ZFHX3: variants seen among roughly 807,000 people sequenced by gnomAD.
ZFHX3 encodes zinc finger homeobox protein 3.
Under a neutral mutation model 279.1 loss-of-function variants are expected in ZFHX3, and 42 were observed. The ratio of observed to expected loss-of-function variants is 0.15; its 90% confidence interval spans 0.12 to 0.19. The LOEUF is 0.19. Among genes scored for constraint, ZFHX3 ranks in the 10% least tolerant of loss-of-function variants. The pLI is 1.00. For missense variants in ZFHX3, 4,981 were observed against 4,754.0 expected (o/e 1.05, Z -1.40); for synonymous variants, 2,293 against 1,957.8 (o/e 1.17, Z -4.52).
At chr16:73,308,265 ATATATATATATATTTATT>A (rs1165267313) in intron 4 of ZFHX3, among the ~76,000 whole-genome samples, 154 of 18,710 alleles carry the variant, frequency 8.2e-3, no homozygotes, top group African/African-American at 0.014. Context: ...ATATATATAT[ATATATATATATATTTATT>A]TATTTATTTT....
intron 3 of ZFHX3, among the ~76,000 whole-genome samples, chr16:72,948,020 A>G (rs1017887651): frequency 6.6e-6 from 1 of 152,204 alleles, no homozygotes; most frequent in African/African-American, 2.4e-5. Context: ...AGCCTTCCTT[A>G]GTGGCAAGAG....
At chr16:73,578,787 T>C (rs779854687) in intron 2 of ZFHX3, among the ~76,000 whole-genome samples, 1 of 152,216 alleles carries the variant, frequency 6.6e-6, no homozygotes, top group African/African-American at 2.4e-5. Context: ...GCAACATCTA[T>C]AACCCCATCA....
rs199722840 is a variant in ZFHX3 at position 73,593,598 on chromosome 16, G to GGGAAGGAA, written c.-1547+86574_-1547+86581dup. ...AAAGAAGGAGGGAGGGAGGGAGGGA[G>GGGAAGGAA]GGAAGGAAGGAAGGAAGGAAGGGAA... On this transcript the variant is annotated intron_variant, in intron 2 of 17. Transcript: ENST00000641206. Among the ~76,000 whole-genome samples, 7 of 149,044 alleles carry GGGAAGGAA rather than the reference G, an allele frequency of 4.7e-5. No individual in the cohort carries two copies. The East Asian group carries it at 6.2e-4, about 13-fold the overall frequency.
intron 1 of ZFHX3, among the ~76,000 whole-genome samples, chr16:73,702,324 G>A (rs556912162): frequency 6.6e-6 from 1 of 151,880 alleles, no homozygotes; most frequent in African/African-American, 2.4e-5. Flanking sequence ...TGCAGGTGTG[G>A]GGACATTTGA....
At chr16:73,775,740 C>T (rs1280218042) in intron 1 of ZFHX3, among the ~76,000 whole-genome samples, 1 of 152,130 alleles carries the variant, frequency 6.6e-6, no homozygotes, top group Non-Finnish European at 1.5e-5. Flanking sequence ...TAAAAGGCTG[C>T]TCCATTTTTT....
chr16:72,910,927 C>T (rs1425988762), intron 3 of ZFHX3, among the ~76,000 whole-genome samples: 1 of 152,200 alleles, frequency 6.6e-6, no homozygotes. Flanking sequence ...TGTATGGCCC[C>T]TGCAGGCATC....
intron 2 of ZFHX3, among the ~76,000 whole-genome samples, chr16:73,531,714 C>CAAAAAAAAAAAAAAAAAAAAAAAAAAAAA (rs34119200): frequency 1.2e-5 from 1 of 81,146 alleles, no homozygotes; most frequent in Non-Finnish European, 2.3e-5. Flanking sequence ...AACCCTGTCT[C>CAAAAAAAAAAAAAAAAAAAAAAAAAAAAA]AAAAAAAAAA....
intron 3 of ZFHX3, among the ~76,000 whole-genome samples, chr16:73,374,311 A>G (rs892741079): frequency 4.6e-5 from 7 of 151,970 alleles, no homozygotes; most frequent in African/African-American, 7.3e-5. Context: ...ACCTCCATGT[A>G]TTCACTGCTT....
intron 1 of ZFHX3, among the ~76,000 whole-genome samples, chr16:73,865,678 T>C (rs1216858127): frequency 6.6e-6 from 1 of 152,156 alleles, no homozygotes; most frequent in Non-Finnish European, 1.5e-5. Context: ...TCCAGTCATC[T>C]GTTAAAACAT....
At chr16:72,865,264 G>A (rs556684719) in intron 4 of ZFHX3, among the ~76,000 whole-genome samples, 1 of 152,330 alleles carries the variant, frequency 6.6e-6, no homozygotes, top group Admixed American at 6.5e-5. Context: ...AACCAGGTAA[G>A]GTCAGAAAGG....
At chr16:72,998,615 G>A (rs1207614416) in intron 1 of ZFHX3, among the ~76,000 whole-genome samples, 1 of 152,206 alleles carries the variant, frequency 6.6e-6, no homozygotes, top group Non-Finnish European at 1.5e-5. Context: ...CATTTCGGGT[G>A]CTTAGGGGCC....
At chr16:73,320,264 C>G (rs967784864) in intron 3 of ZFHX3, among the ~76,000 whole-genome samples, 1 of 152,122 alleles carries the variant, frequency 6.6e-6, no homozygotes, top group Non-Finnish European at 1.5e-5. Flanking sequence ...AAAAACAAAA[C>G]AAAACATATT....
chr16:72,953,606 T>G (rs1961103509), intron 2 of ZFHX3, among the ~76,000 whole-genome samples: 1 of 152,154 alleles, frequency 6.6e-6, no homozygotes, highest in African/African-American at 2.4e-5. Context: ...TAAGCTCTTT[T>G]TTTTTCAAGA....
chr16:73,506,420 A>T (rs753137539), intron 2 of ZFHX3, among the ~76,000 whole-genome samples: 1 of 152,172 alleles, frequency 6.6e-6, no homozygotes, highest in Non-Finnish European at 1.5e-5. Flanking sequence ...TGGGAAATAC[A>T]GTCTTGGCTT....
At chr16:73,300,797 C>A (rs1438783542) in intron 4 of ZFHX3, among the ~76,000 whole-genome samples, 1 of 152,210 alleles carries the variant, frequency 6.6e-6, no homozygotes, top group Non-Finnish European at 1.5e-5. Flanking sequence ...AGCCACCATG[C>A]CCAGCCTAGT....
At chr16:73,006,719 T>C (rs1284122247) in intron 1 of ZFHX3, among the ~76,000 whole-genome samples, 1 of 148,452 alleles carries the variant, frequency 6.7e-6, no homozygotes, top group East Asian at 1.9e-4. Context: ...ATCAAATGTA[T>C]CTCTCACACA....
At position 73,166,600 on chromosome 16, in the gene ZFHX3, G is replaced by A. The variant is rs941164497; in HGVS notation, c.-1103-22769C>T. Among the ~76,000 whole-genome samples the A allele has an allele frequency of 2.3e-4, 35 of 152,242 alleles. 1 individual carries two copies. Among genetic ancestry groups the A allele is most frequent in the African/African-American group, 7.9e-4 (33 of 41,536 alleles). On this transcript the variant is annotated intron_variant, in intron 5 of 17. Transcript: ENST00000641206. ...TCACTGGGAGAGAGGCAGGGAGGGG[G>A]TCTGCTGCATGGTTACCCTTGTCAG...
At chr16:73,031,219 T>G (rs545720384) in intron 1 of ZFHX3, among the ~76,000 whole-genome samples, 19 of 152,294 alleles carry the variant, frequency 1.2e-4, no homozygotes, top group Admixed American at 4.6e-4. Flanking sequence ...CACAAATAAT[T>G]AATCTTCGTT....
At chr16:73,682,611 C>T (rs1485950942) in intron 1 of ZFHX3, among the ~76,000 whole-genome samples, 3 of 151,738 alleles carry the variant, frequency 2.0e-5, no homozygotes, top group Non-Finnish European at 2.9e-5. Context: ...CATGGTGAAA[C>T]CCCGTCTCTA....
Sources: allele counts gnomAD v4.1 joint callset (sites outside exome capture counted in the v4.1 genomes callset), GRCh38; gene constraint gnomAD v4.1.1; transcripts MANE v1.5; gene names NCBI Gene and HGNC (gene_info 2026-07-23, HGNC 2026-07-21).